GPM6A: variants seen among roughly 807,000 people sequenced by gnomAD.
GPM6A encodes glycoprotein M6A.
In GPM6A, 7 loss-of-function variants were observed where a neutral mutation model predicts 32.1. That is an observed-to-expected ratio of 0.22 (90% confidence interval 0.12 to 0.41). The LOEUF (loss-of-function observed/expected upper bound fraction) is 0.41. Among genes scored for constraint, GPM6A ranks in the 10% least tolerant of loss-of-function variants. The pLI is 1.00. For synonymous variants in GPM6A, 130 were observed against 123.4 expected, an observed-to-expected ratio of 1.05 and a Z score of -0.35; for missense variants, 235 against 347.2, an observed-to-expected ratio of 0.68 and a Z score of 2.57.
At chr4:175,729,883 T>C (rs1175358317) in intron 1 of GPM6A, among the ~76,000 whole-genome samples, 7 of 146,596 alleles carry the variant, frequency 4.8e-5, no homozygotes, top group African/African-American at 1.7e-4. Flanking sequence ...AATAATTATA[T>C]TATATATTAA....
intron 4 of GPM6A, among the ~76,000 whole-genome samples, chr4:175,648,424 G>T (rs143064114): frequency 6.6e-6 from 1 of 152,142 alleles, no homozygotes; most frequent in Non-Finnish European, 1.5e-5. Context: ...GACAGAAAAT[G>T]GACTGCCATC....
chr4:175,939,865 A>C (rs1172608483), intron 1 of GPM6A, among the ~76,000 whole-genome samples: 5 of 151,844 alleles, frequency 3.3e-5, no homozygotes, highest in East Asian at 1.9e-4. Context: ...AAAAAAAAAA[A>C]CCTGACATTT....
chr4:175,644,759 G>A (rs1239766636), intron 4 of GPM6A, among the ~76,000 whole-genome samples: 1 of 152,030 alleles, frequency 6.6e-6, no homozygotes, highest in Admixed American at 6.6e-5. Context: ...TTAGCTGAAA[G>A]GTGCAGACTG....
At chr4:175,846,579 T>G (rs1357070789) in intron 1 of GPM6A, among the ~76,000 whole-genome samples, 2 of 152,114 alleles carry the variant, frequency 1.3e-5, no homozygotes, top group African/African-American at 4.8e-5. Context: ...AAAAGAATAT[T>G]ATATGGTGCA....
intron 1 of GPM6A, among the ~76,000 whole-genome samples, chr4:175,751,940 T>C (rs1732352685): frequency 6.6e-6 from 1 of 152,152 alleles, no homozygotes; most frequent in Admixed American, 6.5e-5. Flanking sequence ...GCTCTATTTT[T>C]GAGAGCATTG....
rs1740396865 is a variant in GPM6A, at chr4:175,633,114, C to G, written c.*1791G>C. The G allele has an allele frequency of 6.6e-6, 1 of 152,286 alleles. No individual in the cohort carries two copies. Among genetic ancestry groups the G allele is most frequent in the Non-Finnish European group, 1.5e-5 (1 of 67,888 alleles). The allele number at this position is 152,286 out of a possible 1,614,324, so 9.4% of individuals were successfully genotyped here. ...CAAACTCTAATACCAGAAATAAAAG[C>G]CAAAAGTGTCAACATCATTACATAA... On this transcript the variant is annotated 3_prime_UTR_variant, in exon 7 of 7. Coordinates refer to ENST00000393658, the MANE Select transcript of GPM6A (RefSeq NM_201591.3).
chr4:175,849,135 G>A (rs1736175792), intron 1 of GPM6A, among the ~76,000 whole-genome samples: 2 of 152,168 alleles, frequency 1.3e-5, no homozygotes, highest in Non-Finnish European at 2.9e-5. Flanking sequence ...TATAAGGTAT[G>A]TTTCCTATCC....
rs866600167 is a variant in GPM6A, at chr4:175,637,342, T to A, written c.685-2285A>T. 3.5e-4 allele frequency among the ~76,000 whole-genome samples: 18 copies of A among 51,788 alleles called. 2 individuals carry two copies. The highest frequency in any genetic ancestry group is 1.7e-3 in the South Asian group (3 of 1,738). 34.0% of individuals were successfully genotyped at this position (51,788 alleles called of 152,430 possible). On this transcript the variant is annotated intron_variant, in intron 6 of 6. Coordinates refer to ENST00000393658, the MANE Select transcript of GPM6A (RefSeq NM_201591.3). ...AAAATATATATTATATATTATATAT[T>A]ATATAAAAATATATAATATATAACA...
intron 1 of GPM6A, among the ~76,000 whole-genome samples, chr4:175,734,143 T>C (rs1731550271): frequency 6.9e-6 from 1 of 144,378 alleles, no homozygotes; most frequent in Non-Finnish European, 1.5e-5. Flanking sequence ...GCCATATATA[T>C]ATATATATAT....
intron 1 of GPM6A, among the ~76,000 whole-genome samples, chr4:175,915,520 G>A (rs1263985147): frequency 6.6e-6 from 1 of 151,978 alleles, no homozygotes; most frequent in Non-Finnish European, 1.5e-5. Context: ...TGGCCAAGCT[G>A]GTCTCGAACT....
intron 1 of GPM6A, among the ~76,000 whole-genome samples, chr4:175,873,257 C>G (rs1291752495): frequency 6.6e-6 from 1 of 151,612 alleles, no homozygotes; most frequent in Non-Finnish European, 1.5e-5. Context: ...ACATTAAGTA[C>G]TTTGTCATTT....
intron 1 of GPM6A, among the ~76,000 whole-genome samples, chr4:175,868,643 C>T (rs148537473): frequency 3.3e-5 from 5 of 152,208 alleles, no homozygotes; most frequent in East Asian, 1.9e-4. Context: ...CTTTCTGTTA[C>T]GGATTGCTAA....
intron 1 of GPM6A, among the ~76,000 whole-genome samples, chr4:175,776,196 A>C (rs971201082): frequency 1.3e-5 from 2 of 152,168 alleles, no homozygotes; most frequent in African/African-American, 4.8e-5. Flanking sequence ...TTTCTTAGAG[A>C]AAAATTTCAA....
intron 1 of GPM6A, among the ~76,000 whole-genome samples, chr4:175,799,264 A>G (rs1451352367): frequency 1.3e-5 from 2 of 152,068 alleles, no homozygotes; most frequent in Non-Finnish European, 2.9e-5. Flanking sequence ...CCCTTTCTAT[A>G]ATATACATCA....
chr4:175,817,839 G>T (rs557893743), intron 1 of GPM6A, among the ~76,000 whole-genome samples: 1 of 152,088 alleles, frequency 6.6e-6, no homozygotes, highest in African/African-American at 2.4e-5. Context: ...CAGTAGTCTC[G>T]TGCTGGAATA....
chr4:175,637,267 T>A lies in GPM6A; in HGVS notation c.685-2210A>T, dbSNP rs28807409. On this transcript the variant is annotated intron_variant, in intron 6 of 6. Coordinates refer to ENST00000393658, the MANE Select transcript of GPM6A (RefSeq NM_201591.3). ...TATTATATATAATATAAAATATATA[T>A]TATATATTATATATTATATAAAATA... Among the ~76,000 whole-genome samples, 489 of 52,134 alleles carry A rather than the reference T, an allele frequency of 9.4e-3. 9 individuals carry two copies. Among genetic ancestry groups the A allele is most frequent in the Middle Eastern group, 0.016 (1 of 64 alleles). The allele number at this position is 52,134 out of a possible 152,430, so 34.2% of individuals were successfully genotyped here.
intron 1 of GPM6A, among the ~76,000 whole-genome samples, chr4:175,965,969 C>T (rs1171913771): frequency 6.6e-6 from 1 of 152,100 alleles, no homozygotes; most frequent in Non-Finnish European, 1.5e-5. Flanking sequence ...GGGAATATTA[C>T]AAACAACTCT....
chr4:175,835,172 T>C (rs1219335895), intron 1 of GPM6A, among the ~76,000 whole-genome samples: 1 of 152,190 alleles, frequency 6.6e-6, no homozygotes, highest in Non-Finnish European at 1.5e-5. Context: ...TACTGTACCG[T>C]GCTTCTCCTT....
At chr4:175,989,280 G>A (rs1388774764) in intron 1 of GPM6A, among the ~76,000 whole-genome samples, 2 of 152,068 alleles carry the variant, frequency 1.3e-5, no homozygotes, top group East Asian at 1.9e-4. Context: ...AGATAAGAGA[G>A]AACTGAATGA....
Sources: gnomAD v4.1 joint callset for allele counts (sites outside exome capture counted in the v4.1 genomes callset) on GRCh38, gnomAD v4.1.1 for gene constraint, MANE v1.5 for transcripts, NCBI Gene and HGNC (gene_info 2026-07-23, HGNC 2026-07-21) for gene names.